Variants in SWAP70 observed in about 807,000 individuals in gnomAD.
SWAP70 encodes switch-associated protein 70.
In SWAP70, 34 loss-of-function variants were observed where a neutral mutation model predicts 80.2. That is an observed-to-expected ratio of 0.42 (90% CI 0.32 to 0.56). The LOEUF is 0.56. Ranked by LOEUF, SWAP70 falls within the 20% of genes least tolerant of loss-of-function variation. The probability of loss-of-function intolerance (pLI) is 0.09; values close to 1 mark genes in which losing one functional copy is unlikely to be tolerated. For missense variants in SWAP70, 578 were observed against 690.7 expected, an observed-to-expected ratio of 0.84 and a Z score of 1.83; for synonymous variants, 239 against 238.5, an observed-to-expected ratio of 1.00 and a Z score of -0.02.
intron 1 of SWAP70, among the ~76,000 whole-genome samples, chr11:9,668,653 T>G (rs1258257142): frequency 6.6e-6 from 1 of 152,216 alleles, no homozygotes; most frequent in Non-Finnish European, 1.5e-5. Flanking sequence ...ATTAGTATTT[T>G]TAGGCTCTTA....
intron 1 of SWAP70, among the ~76,000 whole-genome samples, chr11:9,671,743 G>GAAATATATAAATATATTTCTATTTAT (rs1565109840): frequency 2.4e-4 from 13 of 54,452 alleles, no homozygotes; most frequent in South Asian, 1.3e-3. Context: ...TGTATACATA[G>GAAATATATAAATATATTTCTATTTAT]AAATATAAAT....
chr11:9,674,918 G>A (rs182476528), intron 1 of SWAP70, among the ~76,000 whole-genome samples: 1 of 151,644 alleles, frequency 6.6e-6, no homozygotes, highest in East Asian at 1.9e-4. Flanking sequence ...GCAGTGAGCG[G>A]AGATTATGCC....
At chr11:9,693,200 T>C (rs1850716334) in intron 1 of SWAP70, among the ~76,000 whole-genome samples, 1 of 152,240 alleles carries the variant, frequency 6.6e-6, no homozygotes, top group East Asian at 1.9e-4. Flanking sequence ...GAAGATTCTC[T>C]GTTGAAGAAA....
intron 1 of SWAP70, among the ~76,000 whole-genome samples, chr11:9,682,101 A>G (rs999513608): frequency 6.6e-6 from 1 of 152,188 alleles, no homozygotes; most frequent in Non-Finnish European, 1.5e-5. Flanking sequence ...TACCATGGTT[A>G]TATCCTGAGG....
intron 1 of SWAP70, among the ~76,000 whole-genome samples, chr11:9,672,483 C>T (rs1303121096): frequency 6.6e-6 from 1 of 150,882 alleles, no homozygotes; most frequent in East Asian, 1.9e-4. Context: ...CCCACCTCAG[C>T]CTCCTGAGTA....
chr11:9,750,183 CA>C lies in SWAP70; in HGVS notation c.*221del. 51 of 305,470 alleles carry C rather than the reference CA, an allele frequency of 1.7e-4. No individual in the cohort carries two copies. The highest frequency in any genetic ancestry group is 9.7e-4 in the Middle Eastern group (1 of 1,028). 18.9% of individuals were successfully genotyped at this position (305,470 alleles called of 1,614,324 possible). On this transcript the variant is annotated 3_prime_UTR_variant, in exon 12 of 12. Transcript: ENST00000318950. ...TGAAACCCTGTCTCTACTAAAAATA[CA>C]AAAAAAATTAGCTGAGCGTGGTGGC...
rs1249274791 is a variant in SWAP70, at chr11:9,740,286, G to T, written c.1294G>T (p.Ala432Ser). 2.5e-6 allele frequency: 4 copies of T among 1,614,248 alleles called. No individual in the cohort carries two copies. In the Admixed American group the frequency reaches 6.7e-5, roughly 27 times the overall value. Reference protein sequence around the residue: ...LEDMYLKLQEALEDERQARQD... With the variant: ...LEDMYLKLQESLEDERQARQD... Reference sequence around the variant, plus strand: ...AGACATGTACCTAAAGCTGCAGGAGGCTCTTGAAGATGAGAGACAGGCCCG... The same window carrying T: ...AGACATGTACCTAAAGCTGCAGGAGTCTCTTGAAGATGAGAGACAGGCCCG... The change falls in exon 9 of 12, where the codon GCT (alanine) becomes TCT (serine). Residue 432 changes from alanine (A) to serine (S), a missense_variant. Ala to Ser is a moderately conservative substitution (Grantham distance 99). Coordinates refer to ENST00000318950, the MANE Select transcript of SWAP70 (RefSeq NM_015055.4).
intron 6 of SWAP70, among the ~76,000 whole-genome samples, chr11:9,729,906 C>T (rs1480075592): frequency 4.6e-5 from 7 of 152,262 alleles, no homozygotes; most frequent in East Asian, 1.9e-4. Flanking sequence ...AATTAAGATG[C>T]GCTCTCAAAG....
At chr11:9,722,592 C>T (rs1851153632) in intron 3 of SWAP70, among the ~76,000 whole-genome samples, 1 of 152,166 alleles carries the variant, frequency 6.6e-6, no homozygotes, top group African/African-American at 2.4e-5. Flanking sequence ...CGTCACTGGT[C>T]CGCATGCTTC....
chr11:9,713,080 C>G (rs1414459554), intron 2 of SWAP70, among the ~76,000 whole-genome samples: 2 of 152,192 alleles, frequency 1.3e-5, no homozygotes, highest in African/African-American at 4.8e-5. Flanking sequence ...CTTCCATGTG[C>G]TAGGATTGGT....
At chr11:9,748,677 A>T (rs1851544044) in intron 10 of SWAP70, among the ~76,000 whole-genome samples, 1 of 145,984 alleles carries the variant, frequency 6.9e-6, no homozygotes, top group South Asian at 2.2e-4. Context: ...CCCTCTACTG[A>T]CAAAGCTTTA....
rs1851597747 is a variant in SWAP70 at position 9,752,054 on chromosome 11, A to G, written c.*2084A>G. ...AAGACTCCAGTATCCCTCATTCCAG[A>G]ATGAGGAAAAAGTATTCTACAAAGA... On this transcript the variant is annotated 3_prime_UTR_variant, in exon 12 of 12. Transcript: ENST00000318950. The G allele has an allele frequency of 6.6e-6, 1 of 152,196 alleles. No individual in the cohort carries two copies. The highest frequency in any genetic ancestry group is 1.5e-5 in the Non-Finnish European group (1 of 68,038). 9.4% of individuals were successfully genotyped at this position (152,196 alleles called of 1,614,324 possible).
At chr11:9,675,882 C>A (rs185645781) in intron 1 of SWAP70, among the ~76,000 whole-genome samples, 1 of 152,276 alleles carries the variant, frequency 6.6e-6, no homozygotes, top group African/African-American at 2.4e-5. Context: ...ATCCTGTGCA[C>A]GTTCATAGAA....
At chr11:9,697,454 T>G (rs1850773468) in intron 2 of SWAP70, among the ~76,000 whole-genome samples, 1 of 152,084 alleles carries the variant, frequency 6.6e-6, no homozygotes, top group Non-Finnish European at 1.5e-5. Context: ...AGCTATTTTT[T>G]GTATTTTTAG....
chr11:9,742,110 G>C (rs2133817199), intron 9 of SWAP70, among the ~76,000 whole-genome samples: 1 of 151,980 alleles, frequency 6.6e-6, no homozygotes, highest in East Asian at 1.9e-4. Flanking sequence ...AAAAACTCCA[G>C]CTAATTATTT....
chr11:9,671,509 TAA>T (rs1850388499), intron 1 of SWAP70, among the ~76,000 whole-genome samples: 1 of 74,888 alleles, frequency 1.3e-5, no homozygotes, highest in Non-Finnish European at 2.3e-5. Context: ...TAAATATATA[TAA>T]ATATATATAT....
chr11:9,678,987 T>G (rs956061756), intron 1 of SWAP70, among the ~76,000 whole-genome samples: 1 of 152,174 alleles, frequency 6.6e-6, no homozygotes, highest in Admixed American at 6.5e-5. Context: ...ATTTCCTTCT[T>G]CTCATCCTAC....
chr11:9,665,038 T>A (rs1257860184), intron 1 of SWAP70, among the ~76,000 whole-genome samples: 1 of 152,138 alleles, frequency 6.6e-6, no homozygotes, highest in Non-Finnish European at 1.5e-5. Flanking sequence ...AAAGGGATGC[T>A]TGTAAATTGA....
At position 9,740,265 on chromosome 11, in the gene SWAP70, A is replaced by G. The variant is rs770145458; in HGVS notation, c.1273A>G (p.Met425Val). 1.2e-5 allele frequency: 20 copies of G among 1,614,238 alleles called. No homozygotes were observed. In the Admixed American group the frequency reaches 2.3e-4, roughly 19 times the overall value. The change falls in exon 9 of 12, where the codon ATG becomes GTG. Residue 425 changes from methionine (M) to valine (V), a missense_variant. Met to Val is a conservative substitution (Grantham distance 21). Coordinates refer to ENST00000318950, the MANE Select transcript of SWAP70 (RefSeq NM_015055.4). ...YLQRVRELED[M>V]YLKLQEALED... ...ACAGCGAGTACGGGAGCTGGAAGAC[A>G]TGTACCTAAAGCTGCAGGAGGCTCT...
Sources: gnomAD v4.1 joint callset for allele counts (sites outside exome capture counted in the v4.1 genomes callset) on GRCh38, gnomAD v4.1.1 for gene constraint, MANE v1.5 for transcripts, NCBI Gene and HGNC (gene_info 2026-07-23, HGNC 2026-07-21) for gene names.